NSD2: variants seen among roughly 807,000 people sequenced by gnomAD.
NSD2 encodes histone-lysine N-methyltransferase NSD2.
In NSD2, 12 loss-of-function variants were observed where a neutral mutation model predicts 139.0. The ratio of observed to expected loss-of-function variants is 0.09; its 90% CI spans 0.06 to 0.14. The LOEUF (loss-of-function observed/expected upper bound fraction) is 0.14, where lower values mean the gene tolerates loss of function less well. Among genes scored for constraint, NSD2 ranks in the 10% least tolerant of loss-of-function variants. The pLI is 1.00. For missense variants in NSD2, 1,155 were observed against 1,745.0 expected (o/e 0.66, Z 6.02); for synonymous variants, 669 against 648.7 (o/e 1.03, Z -0.48).
intron 3 of NSD2, among the ~76,000 whole-genome samples, chr4:1,914,476 C>T (rs1170726360): frequency 6.6e-6 from 1 of 152,138 alleles, no homozygotes; most frequent in Non-Finnish European, 1.5e-5. Context: ...CGGGCACACG[C>T]CACCATGCCT....
At chr4:1,918,650 A>G (rs1399542923) in intron 5 of NSD2, 27 bp downstream of exon 5, 2 of 1,605,738 alleles carry the variant, frequency 1.2e-6, no homozygotes, top group Non-Finnish European at 1.7e-6. Context: ...GTTTCATGCT[A>G]GCAAGTTTCA....
chr4:1,907,182 C>T (rs924426921), intron 3 of NSD2, among the ~76,000 whole-genome samples: 1 of 152,156 alleles, frequency 6.6e-6, no homozygotes, highest in African/African-American at 2.4e-5. Flanking sequence ...CCATCACCTT[C>T]ATGGAAAGGT....
chr4:1,935,947 A>T (rs1021834196), intron 7 of NSD2, among the ~76,000 whole-genome samples: 2 of 152,252 alleles, frequency 1.3e-5, no homozygotes, highest in African/African-American at 4.8e-5. Flanking sequence ...ACTGGCATCA[A>T]AGTCCATTAG....
intron 5 of NSD2, among the ~76,000 whole-genome samples, chr4:1,926,610 A>G (rs969903224): frequency 6.6e-6 from 1 of 151,408 alleles, no homozygotes; most frequent in African/African-American, 2.4e-5. Flanking sequence ...AGCTGGGACT[A>G]CTGGTGCACG....
chr4:1,928,498 C>T (rs564191942), intron 5 of NSD2, among the ~76,000 whole-genome samples: 21 of 152,262 alleles, frequency 1.4e-4, no homozygotes, highest in East Asian at 5.8e-4. Flanking sequence ...ACAGTTTCAC[C>T]GTGAAGCTCG....
intron 5 of NSD2, among the ~76,000 whole-genome samples, chr4:1,922,327 C>T (rs1720258126): frequency 6.6e-6 from 1 of 152,048 alleles, no homozygotes; most frequent in African/African-American, 2.4e-5. Context: ...AAAAAGATAC[C>T]ATTGATAATA....
rs1725064136 is a variant in NSD2, at chr4:1,958,595, C to A, written c.2985+559C>A. Reference sequence around the variant, plus strand: ...GTGCGGCAAGCCGCATCCCCAGGAGCCTCGTGGCCGTTCCTGACGAGTGTT... The same window carrying A: ...GTGCGGCAAGCCGCATCCCCAGGAGACTCGTGGCCGTTCCTGACGAGTGTT... On this transcript the variant is annotated intron_variant, in intron 16 of 21. Coordinates refer to ENST00000508803, the MANE Select transcript of NSD2 (RefSeq NM_001042424.3). This position sits in a 1 kb window ranked among gnomAD's most constrained non-coding sequence, Gnocchi z 4.6. Among the ~76,000 whole-genome samples, 2 of 152,242 alleles carry A rather than the reference C, an allele frequency of 1.3e-5. No homozygotes were observed. The highest frequency in any genetic ancestry group is 4.8e-5 in the African/African-American group (2 of 41,466).
At chr4:1,890,609 G>GT (rs1339838333) in intron 1 of NSD2, among the ~76,000 whole-genome samples, 1 of 149,734 alleles carries the variant, frequency 6.7e-6, no homozygotes, top group Non-Finnish European at 1.5e-5. Flanking sequence ...CCTATACAAG[G>GT]TTTTTTATTG....
rs1724706396 is a variant in NSD2, at chr4:1,955,414, C to G, written c.2518+74C>G. On this transcript the variant is annotated intron_variant, in intron 13 of 21. Coordinates refer to ENST00000508803, the MANE Select transcript of NSD2 (RefSeq NM_001042424.3). This position sits in a 1 kb window ranked among gnomAD's most constrained non-coding sequence, Gnocchi z 4.7. ...AGCCACATATCAAGGCAGGCTCATTCCTTGTCTGCGCTGTGTTCATTGATG... is the reference window on the plus strand; with the variant it reads ...AGCCACATATCAAGGCAGGCTCATTGCTTGTCTGCGCTGTGTTCATTGATG... 1 of 1,508,856 alleles carries G rather than the reference C, an allele frequency of 6.6e-7. No individual in the cohort carries two copies. The highest frequency in any genetic ancestry group is 2.4e-5 in the East Asian group (1 of 41,698). The allele number at this position is 1,508,856 out of a possible 1,614,324, so 93.5% of individuals were successfully genotyped here.
intron 1 of NSD2, among the ~76,000 whole-genome samples, chr4:1,881,327 A>G (rs1004584409): frequency 6.6e-6 from 1 of 151,962 alleles, no homozygotes; most frequent in African/African-American, 2.4e-5. Flanking sequence ...CAGTGGCGCG[A>G]TCTCGGCTCA....
chr4:1,980,197 T>G lies in NSD2; in HGVS notation c.*1288T>G. 4.3e-6 allele frequency: 1 copy of G among 233,260 alleles called. No homozygotes were observed. Among genetic ancestry groups the G allele is most frequent in the Non-Finnish European group, 8.5e-6 (1 of 118,014 alleles). The allele number at this position is 233,260 out of a possible 1,614,324, so 14.4% of individuals were successfully genotyped here. ...ACCCACTCTCCTGTGAGATTTCACT[T>G]TAGTTTTTAAAAGGTCCAGTTCTAC... is the stretch of plus-strand genomic sequence containing the variant. On this transcript the variant is annotated 3_prime_UTR_variant, in exon 22 of 22. Transcript: ENST00000508803.
chr4:1,937,698 G>A (rs920372176), intron 7 of NSD2, among the ~76,000 whole-genome samples: 1 of 152,134 alleles, frequency 6.6e-6, no homozygotes. Flanking sequence ...CCACCTCACC[G>A]CATCCTGTCT....
rs1458596457 is a variant in NSD2 at position 1,982,074 on chromosome 4, G to A, written c.*3165G>A. The A allele has an allele frequency of 2.5e-6, 1 of 397,140 alleles. No homozygotes were observed. Among genetic ancestry groups the A allele is most frequent in the Non-Finnish European group, 4.4e-6 (1 of 225,726 alleles). The allele number at this position is 397,140 out of a possible 1,614,324, so 24.6% of individuals were successfully genotyped here. ...ACTTGAAATTCACTTTTTGGGGGGA[G>A]GGATATACTGAAATAGAGAGTTGAG... On this transcript the variant is annotated 3_prime_UTR_variant, in exon 22 of 22. Transcript: ENST00000508803.
In NSD2 at chr4:1,942,515, A is replaced by T. The variant is rs1723201702; in HGVS notation, c.1881+2737A>T. The T allele has an allele frequency of 6.8e-7, 1 of 1,464,900 alleles. No homozygotes were observed. The highest frequency in any genetic ancestry group is 9.0e-7 in the Non-Finnish European group (1 of 1,105,856). 90.7% of individuals were successfully genotyped at this position (1,464,900 alleles called of 1,614,324 possible). A position where few individuals can be genotyped will look rare whatever the true frequency, so the allele number is the denominator to read the frequency against. Reference sequence around the variant, plus strand: ...TGTGTGATAATCTGTTTTTACTGGTATTAATAAACACATACAATGAAGAAA... The same window carrying T: ...TGTGTGATAATCTGTTTTTACTGGTTTTAATAAACACATACAATGAAGAAA... On this transcript the variant is annotated intron_variant, in intron 9 of 21. Coordinates refer to ENST00000508803, the MANE Select transcript of NSD2 (RefSeq NM_001042424.3). The surrounding 1 kb of genome is among the most constrained non-coding windows in gnomAD (Gnocchi z 4.0).
chr4:1,872,583 TGTGTGTGTGAGAGA>T (rs1303329336), intron 1 of NSD2, among the ~76,000 whole-genome samples: 4 of 62,598 alleles, frequency 6.4e-5, no homozygotes, highest in Non-Finnish European at 1.3e-4. Flanking sequence ...TGTGTGTGTG[TGTGTGTGTGAGAGA>T]GAGAGAGAGA....
chr4:1,881,759 T>C (rs1714708472), intron 1 of NSD2, among the ~76,000 whole-genome samples: 1 of 152,104 alleles, frequency 6.6e-6, no homozygotes, highest in Non-Finnish European at 1.5e-5. Context: ...ACAAAGCAAG[T>C]CATGAAGGAA....
intron 3 of NSD2, among the ~76,000 whole-genome samples, chr4:1,910,497 C>T (rs894077077): frequency 6.6e-6 from 1 of 152,200 alleles, no homozygotes; most frequent in East Asian, 1.9e-4. Context: ...TTAGATATTA[C>T]ACTCACTGGT....
chr4:1,876,700 C>G (rs1481059652), intron 1 of NSD2, among the ~76,000 whole-genome samples: 2 of 151,916 alleles, frequency 1.3e-5, no homozygotes, highest in Non-Finnish European at 2.9e-5. Flanking sequence ...AAAAACAAAC[C>G]TAAACACAAA....
intron 20 of NSD2, 66 bp downstream of exon 20, chr4:1,975,466 T>C (rs895528752): frequency 8.3e-6 from 12 of 1,445,780 alleles, no homozygotes; most frequent in Non-Finnish European, 1.2e-5. Flanking sequence ...TGGAGACCTG[T>C]GTCCCCCGTG....
Sources: allele counts gnomAD v4.1 joint callset (sites outside exome capture counted in the v4.1 genomes callset), GRCh38; gene constraint gnomAD v4.1.1; non-coding constraint Gnocchi (gnomAD v3.1); transcripts MANE v1.5; gene names NCBI Gene and HGNC (gene_info 2026-07-23, HGNC 2026-07-21).